The following SMIM35 variants were observed in gnomAD, a reference collection of about 807,000 sequenced individuals.
SMIM35 encodes the protein TMPRSS4 antisense RNA 1 (non-protein coding).
At chr11:118,020,953 T>C (rs908177981) in intron 1 of SMIM35, among the ~76,000 whole-genome samples, 5 of 152,192 alleles carry the variant, frequency 3.3e-5, no homozygotes, top group African/African-American at 1.2e-4. Flanking sequence ...TACCTTTGTC[T>C]GATCTAAATG....
intron 1 of SMIM35, among the ~76,000 whole-genome samples, chr11:118,071,327 C>T (rs1390130397): frequency 1.3e-5 from 2 of 152,208 alleles, no homozygotes; most frequent in Non-Finnish European, 1.5e-5. Context: ...TTCTTTGGTA[C>T]AGATAATTGA....
chr11:118,063,859 C>A (rs893795287), intron 1 of SMIM35, among the ~76,000 whole-genome samples: 1 of 152,230 alleles, frequency 6.6e-6, no homozygotes, highest in African/African-American at 2.4e-5. Context: ...TCTCACCCTA[C>A]GTATCTCTTC....
intron 1 of SMIM35, among the ~76,000 whole-genome samples, chr11:118,062,875 A>G (rs985355573): frequency 1.6e-4 from 24 of 152,180 alleles, no homozygotes; most frequent in African/African-American, 5.5e-4. Context: ...AGTCACAGGA[A>G]GAGATAGGAG....
chr11:118,077,096 G>A (rs1214409309), intron 1 of SMIM35: 3 of 553,776 alleles, frequency 5.4e-6, no homozygotes, highest in Non-Finnish European at 9.6e-6. Flanking sequence ...AATACACAGA[G>A]AGAGGCAGCA....
At chr11:118,048,537 AGAAGGAAG>A (rs59910847) in intron 1 of SMIM35, among the ~76,000 whole-genome samples, 14,067 of 122,494 alleles carry the variant, frequency 0.11, 990 homozygotes, top group East Asian at 0.16. Flanking sequence ...GAAGAAAGAA[AGAAGGAAG>A]GAAGGAAGGA....
At chr11:118,019,020 T>C (rs1298551547) in intron 1 of SMIM35, among the ~76,000 whole-genome samples, 1 of 152,170 alleles carries the variant, frequency 6.6e-6, no homozygotes, top group East Asian at 1.9e-4. Context: ...TCCTCTCCTA[T>C]CTCTCCCTCC....
At chr11:118,051,896 G>T (rs956046054) in intron 1 of SMIM35, among the ~76,000 whole-genome samples, 6 of 149,370 alleles carry the variant, frequency 4.0e-5, no homozygotes, top group Non-Finnish European at 8.9e-5. Flanking sequence ...TGGGTTGATT[G>T]TGAACAAGAG....
At chr11:118,030,727 TG>T (rs1249467746) in intron 1 of SMIM35, among the ~76,000 whole-genome samples, 1 of 151,254 alleles carries the variant, frequency 6.6e-6, no homozygotes, top group Non-Finnish European at 1.5e-5. Context: ...GCATAGGGAA[TG>T]AGGTAGTCTA....
intron 1 of SMIM35, among the ~76,000 whole-genome samples, chr11:118,042,715 A>G (rs675479): frequency 0.44 from 66,426 of 152,020 alleles, 14,709 homozygotes; most frequent in African/African-American, 0.48. Flanking sequence ...CTCAACAATT[A>G]GGAATGATTG....
chr11:118,077,845 G>A (rs184243671), intron 1 of SMIM35, among the ~76,000 whole-genome samples: 5 of 151,768 alleles, frequency 3.3e-5, no homozygotes, highest in Admixed American at 1.3e-4. Flanking sequence ...AACCCCATCC[G>A]TACTAAAAAT....
intron 1 of SMIM35, chr11:118,067,240 A>T (rs1467061292): frequency 6.6e-6 from 1 of 152,240 alleles, no homozygotes; most frequent in Non-Finnish European, 1.5e-5. Context: ...CAAATGCACC[A>T]GGTGCGGTGG....
At chr11:118,056,259 G>A (rs771036998) in intron 1 of SMIM35, among the ~76,000 whole-genome samples, 3 of 152,160 alleles carry the variant, frequency 2.0e-5, no homozygotes, top group Non-Finnish European at 4.4e-5. Context: ...GCAGCCAGAA[G>A]GGTCATCCTG....
At chr11:118,056,243 C>G (rs1944307123) in intron 1 of SMIM35, among the ~76,000 whole-genome samples, 1 of 152,126 alleles carries the variant, frequency 6.6e-6, no homozygotes, top group South Asian at 2.1e-4. Flanking sequence ...TAAGGCGGCC[C>G]TCCAGGCAGC....
intron 1 of SMIM35, among the ~76,000 whole-genome samples, chr11:118,072,943 C>T (rs771827114): frequency 2.0e-4 from 31 of 152,164 alleles, no homozygotes; most frequent in Non-Finnish European, 3.8e-4. Context: ...GTTTTTGAGA[C>T]GGAGTCTCGC....
At chr11:118,050,604 C>G (rs1944196486) in intron 1 of SMIM35, among the ~76,000 whole-genome samples, 1 of 152,250 alleles carries the variant, frequency 6.6e-6, no homozygotes, top group Non-Finnish European at 1.5e-5. Context: ...AGCACCCCCG[C>G]AGTCCTCCTG....
intron 1 of SMIM35, among the ~76,000 whole-genome samples, chr11:118,078,073 A>G (rs1376649422): frequency 2.7e-5 from 4 of 146,994 alleles, no homozygotes; most frequent in Non-Finnish European, 6.0e-5. Context: ...CAGTGCAGAG[A>G]TGCCTCCAAA....
chr11:118,041,021 C>T (rs1943991700), intron 1 of SMIM35, among the ~76,000 whole-genome samples: 1 of 151,784 alleles, frequency 6.6e-6, no homozygotes. Flanking sequence ...ACTAGAGCTA[C>T]ATAGGAGTAA....
At chr11:118,023,906 G>T (rs752467933) in intron 1 of SMIM35, among the ~76,000 whole-genome samples, 8 of 151,976 alleles carry the variant, frequency 5.3e-5, no homozygotes, top group African/African-American at 1.9e-4. Context: ...GTGGTGGCGT[G>T]TGCCTGTAAT....
At chr11:118,062,841 T>C (rs1399037813) in intron 1 of SMIM35, among the ~76,000 whole-genome samples, 4 of 152,176 alleles carry the variant, frequency 2.6e-5, no homozygotes, top group African/African-American at 9.7e-5. Context: ...CTGGGCTGCA[T>C]TCCCAGACAG....
Sources: gnomAD v4.1 joint callset for allele counts (sites outside exome capture counted in the v4.1 genomes callset) on GRCh38, gnomAD v4.1.1 for gene constraint, MANE v1.5 for transcripts, NCBI Gene and HGNC (gene_info 2026-07-23, HGNC 2026-07-21) for gene names.